ITGBL1: variants seen among roughly 807,000 people sequenced by gnomAD.
The protein encoded by ITGBL1 is integrin subunit beta like 1.
In ITGBL1, 51 loss-of-function variants were observed where a neutral mutation model predicts 68.5. That is an observed-to-expected ratio of 0.74 (90% CI 0.59 to 0.94). The LOEUF (loss-of-function observed/expected upper bound fraction) is 0.94. Among genes scored for constraint, ITGBL1 ranks in the 40% least tolerant of loss-of-function variants. The pLI, the probability that ITGBL1 is intolerant of heterozygous loss-of-function variation, is 0.00. For missense variants in ITGBL1, 649 were observed against 647.4 expected, an observed-to-expected ratio of 1.00 and a Z score of -0.03; for synonymous variants, 209 against 227.3, an observed-to-expected ratio of 0.92 and a Z score of 0.72.
intron 2 of ITGBL1, among the ~76,000 whole-genome samples, chr13:101,518,532 A>T (rs1441097127): frequency 6.6e-6 from 1 of 152,156 alleles, no homozygotes; most frequent in Non-Finnish European, 1.5e-5. Flanking sequence ...GAATCTTCTT[A>T]ATTATTGATT....
intron 7 of ITGBL1, among the ~76,000 whole-genome samples, chr13:101,605,865 T>C (rs1287193401): frequency 6.6e-6 from 1 of 150,578 alleles, no homozygotes; most frequent in East Asian, 2.0e-4. Flanking sequence ...TGTGTATATG[T>C]GTATATATAC....
chr13:101,527,818 T>C (rs1577449), intron 2 of ITGBL1, among the ~76,000 whole-genome samples: 113,157 of 151,838 alleles, frequency 0.75, 42,194 homozygotes, highest in South Asian at 0.79. Flanking sequence ...GCCATTTATA[T>C]ACATTCATTT....
intron 2 of ITGBL1, among the ~76,000 whole-genome samples, chr13:101,478,668 C>T (rs781576763): frequency 2.6e-5 from 4 of 152,072 alleles, no homozygotes; most frequent in Middle Eastern, 3.4e-3. Context: ...ATCAATAGCA[C>T]TTCTAAATGC....
At chr13:101,700,709 T>A (rs560547450) in intron 8 of ITGBL1, among the ~76,000 whole-genome samples, 4 of 152,340 alleles carry the variant, frequency 2.6e-5, no homozygotes, top group African/African-American at 9.6e-5. Context: ...TGTTTTTGAC[T>A]TACTATTCTT....
chr13:101,590,508 G>A (rs1037994595), intron 6 of ITGBL1, among the ~76,000 whole-genome samples: 4 of 152,092 alleles, frequency 2.6e-5, no homozygotes, highest in South Asian at 2.1e-4. Flanking sequence ...CCTGGGTCCC[G>A]CATCGGCTAG....
At chr13:101,493,209 C>T (rs1335587) in intron 2 of ITGBL1, among the ~76,000 whole-genome samples, 98,996 of 151,938 alleles carry the variant, frequency 0.65, 32,902 homozygotes, top group African/African-American at 0.77. Flanking sequence ...CCAGCTGAAC[C>T]GTATGAGTTT....
intron 2 of ITGBL1, among the ~76,000 whole-genome samples, chr13:101,561,872 T>C (rs1465797521): frequency 3.9e-5 from 6 of 152,154 alleles, no homozygotes; most frequent in Admixed American, 3.9e-4. Flanking sequence ...CAAACTTGAA[T>C]CTACACAAAG....
chr13:101,520,727 T>A (rs16958981), intron 2 of ITGBL1, among the ~76,000 whole-genome samples: 2,123 of 152,224 alleles, frequency 0.014, 57 homozygotes, highest in African/African-American at 0.048. Context: ...GAAAAGCAAG[T>A]TTAAGCTGGG....
intron 7 of ITGBL1, among the ~76,000 whole-genome samples, chr13:101,684,625 C>T (rs2033714748): frequency 2.0e-5 from 3 of 151,890 alleles, no homozygotes; most frequent in Admixed American, 2.0e-4. Context: ...TTTGCATTGT[C>T]TACATGCACA....
At chr13:101,453,247 AGAAT>A (rs2048188899) in intron 1 of ITGBL1, among the ~76,000 whole-genome samples, 2 of 152,228 alleles carry the variant, frequency 1.3e-5, no homozygotes, top group Admixed American at 6.5e-5. Flanking sequence ...CATGTAAAGC[AGAAT>A]GATCTGTTTC....
intron 2 of ITGBL1, among the ~76,000 whole-genome samples, chr13:101,559,120 T>C (rs1417394024): frequency 1.3e-5 from 2 of 152,218 alleles, no homozygotes. Flanking sequence ...ATCATGATTA[T>C]CTGCAATACT....
intron 2 of ITGBL1, among the ~76,000 whole-genome samples, chr13:101,561,436 G>C (rs934524387): frequency 2.0e-5 from 3 of 152,140 alleles, no homozygotes; most frequent in Non-Finnish European, 4.4e-5. Context: ...TAGGGCACTT[G>C]TAAGTATCCA....
chr13:101,720,771 A>C (rs2034921774), downstream of ITGBL1: 1 of 152,152 alleles, frequency 6.6e-6, no homozygotes, highest in South Asian at 2.1e-4. Flanking sequence ...AGATGACATA[A>C]CACCAAATCA....
At chr13:101,610,741 C>A (rs1355161735) in intron 7 of ITGBL1, among the ~76,000 whole-genome samples, 2 of 151,902 alleles carry the variant, frequency 1.3e-5, no homozygotes, top group Non-Finnish European at 2.9e-5. Flanking sequence ...CTCATGCAGC[C>A]CCTTACAGAA....
chr13:101,707,669 C>A (rs971320911), intron 9 of ITGBL1, among the ~76,000 whole-genome samples: 5 of 150,110 alleles, frequency 3.3e-5, no homozygotes, highest in African/African-American at 1.2e-4. Context: ...GTGAAAAATA[C>A]AAAAATCTAC....
chr13:101,529,620 C>T (rs116926647), intron 2 of ITGBL1, among the ~76,000 whole-genome samples: 202 of 152,274 alleles, frequency 1.3e-3, no homozygotes, highest in Non-Finnish European at 2.6e-3. Flanking sequence ...GTAATCCCCA[C>T]GTGTTGAGGG....
At chr13:101,549,793 T>C (rs2049891043) in intron 2 of ITGBL1, among the ~76,000 whole-genome samples, 1 of 152,120 alleles carries the variant, frequency 6.6e-6, no homozygotes. Context: ...TATGTGTTGG[T>C]AAGTGTATTC....
intron 5 of ITGBL1, among the ~76,000 whole-genome samples, chr13:101,580,828 A>C (rs1381394269): frequency 6.6e-6 from 1 of 152,188 alleles, no homozygotes; most frequent in Non-Finnish European, 1.5e-5. Context: ...ATTGGCTGTG[A>C]GAGACGATGT....
intron 8 of ITGBL1, among the ~76,000 whole-genome samples, chr13:101,702,582 A>G (rs1594993169): frequency 1.1e-5 from 1 of 90,382 alleles, no homozygotes; most frequent in Non-Finnish European, 2.5e-5. Context: ...ATTAAATTTG[A>G]AAAAAAAAGG....
Sources: gnomAD v4.1 joint callset for allele counts (sites outside exome capture counted in the v4.1 genomes callset) on GRCh38, gnomAD v4.1.1 for gene constraint, MANE v1.5 for transcripts, NCBI Gene and HGNC (gene_info 2026-07-23, HGNC 2026-07-21) for gene names.